TDRD6: variants seen among roughly 807,000 people sequenced by gnomAD.
TDRD6 encodes tudor domain-containing protein 6.
TDRD6 carries 186 observed loss-of-function variants against 157.5 expected under a neutral mutation model. That is an observed-to-expected ratio of 1.18 (90% CI 1.05 to 1.33). The LOEUF (loss-of-function observed/expected upper bound fraction) is 1.33. Among genes scored for constraint, TDRD6 ranks in the 40% most tolerant of loss-of-function variants. TDRD6 has a pLI of 0.00. For missense variants in TDRD6, 3,066 were observed against 2,508.0 expected, an observed-to-expected ratio of 1.22 and a Z score of -4.75; for synonymous variants, 1,075 against 945.2, an observed-to-expected ratio of 1.14 and a Z score of -2.52.
chr6:46,696,549 ATATG>A (rs1446464347), intron 2 of TDRD6, among the ~76,000 whole-genome samples: 906 of 64,918 alleles, frequency 0.014, 85 homozygotes, highest in African/African-American at 0.034. Flanking sequence ...ATATATGTAT[ATATG>A]TGTGTGTGTG....
At position 46,694,170 on chromosome 6, in the gene TDRD6, C is replaced by G. The variant is rs1369880096; in HGVS notation, c.6042C>G (p.Ile2014Met). The change falls in exon 1 of 4, where the codon ATC becomes ATG. Residue 2014 changes from isoleucine to methionine, a missense_variant. Coordinates refer to ENST00000316081, the MANE Select transcript of TDRD6 (RefSeq NM_001010870.3). ...SKHNNGLPDHISAQLQNTYTL... is the reference protein window; with the variant it reads ...SKHNNGLPDHMSAQLQNTYTL... Reference sequence around the variant, plus strand: ...ACAATAATGGTTTACCAGATCATATCTCAGGTATGTGAATTTTTTTTCCTT... The same window carrying G: ...ACAATAATGGTTTACCAGATCATATGTCAGGTATGTGAATTTTTTTTCCTT... 3.1e-5 allele frequency: 47 copies of G among 1,499,304 alleles called. No individual in the cohort carries two copies. Among genetic ancestry groups the G allele is most frequent in the Non-Finnish European group, 3.7e-5 (42 of 1,122,628 alleles). 92.9% of individuals were successfully genotyped at this position (1,499,304 alleles called of 1,614,324 possible).
At position 46,692,785 on chromosome 6, in the gene TDRD6, A is replaced by G; in HGVS notation, c.4657A>G (p.Thr1553Ala). 3 of 1,614,172 alleles carry G rather than the reference A, an allele frequency of 1.9e-6. No individual in the cohort carries two copies. Among genetic ancestry groups the G allele is most frequent in the South Asian group, 1.1e-5 (1 of 91,070 alleles). The change falls in exon 1 of 4, where the codon ACT becomes GCT. Residue 1553 changes from threonine to alanine, a missense_variant. By Grantham distance (58) the Thr-to-Ala change is moderately conservative. Coordinates refer to ENST00000316081, the MANE Select transcript of TDRD6 (RefSeq NM_001010870.3). ...TCAGTGTTTAGAAGTAGAAGTACAG[A>G]CTGCTGGAGAACAGGTAGCAGACAG... is the stretch of plus-strand genomic sequence containing the variant. Reference protein sequence around the residue: ...KLQCLEVEVQTAGEQVADRRN... With the variant: ...KLQCLEVEVQAAGEQVADRRN...
chr6:46,684,474 A>G (rs1390965019), upstream of TDRD6, among the ~76,000 whole-genome samples: 2 of 152,020 alleles, frequency 1.3e-5, no homozygotes, highest in Admixed American at 6.6e-5. Flanking sequence ...TCATCAGTCC[A>G]TGCCTGATGC....
chr6:46,691,851 C>T lies in TDRD6; in HGVS notation c.3723C>T (p.Asp1241=), dbSNP rs757951927. 6.9e-6 allele frequency: 11 copies of T among 1,596,220 alleles called. 1 individual carries two copies. The South Asian group carries it at 1.3e-4, about 18-fold the overall frequency. The change falls in exon 1 of 4, where the codon GAC becomes GAT. Residue 1241 remains aspartate, a synonymous_variant. Coordinates refer to ENST00000316081, the MANE Select transcript of TDRD6 (RefSeq NM_001010870.3). ...CAAACTTAGTCACTCAATATCAAGA[C>T]TCTGTGGGAAATAAAAATAGTCAAG... ...TKTNLVTQYQ[D]SVGNKNSQVF... is the part of the protein sequence containing the mutation.
In TDRD6 at chr6:46,694,082, G is replaced by A. The variant is rs757229803; in HGVS notation, c.5954G>A (p.Arg1985Lys). The A allele has an allele frequency of 6.2e-7, 1 of 1,612,816 alleles. No homozygotes were observed. The highest frequency in any genetic ancestry group is 8.5e-7 in the Non-Finnish European group (1 of 1,179,528). ...GAAGAATTTGTAGAGTATAAAAACA[G>A]GGATGCCATTTCGGCATTGATGCCT... is the stretch of plus-strand genomic sequence containing the variant. ...CEEEFVEYKN[R>K]DAISALMPLF... Residue 1985 changes from arginine (R) to lysine (K), a missense_variant, in exon 1 of 4, where the codon AGG becomes AAG. Transcript: ENST00000316081.
chr6:46,685,744 T>C (rs764657035), upstream of TDRD6, among the ~76,000 whole-genome samples: 5 of 148,704 alleles, frequency 3.4e-5, no homozygotes, highest in Admixed American at 6.8e-5. Context: ...CTGTACATAA[T>C]GTCCCAGAAC....
At position 46,693,971 on chromosome 6, in the gene TDRD6, CTT is replaced by C. The variant is rs779961099; in HGVS notation, c.5846_5847del (p.Phe1949Ter). Reference sequence around the variant, plus strand: ...ATGAGAAAGTCAAGTTGTGTAGAATCTTTTGATGACCAGCGCAGGATGTCATT... The same window carrying C: ...ATGAGAAAGTCAAGTTGTGTAGAATCTTGATGACCAGCGCAGGATGTCATT... On this transcript the variant is annotated frameshift_variant, in exon 1 of 4. Coordinates refer to ENST00000316081, the MANE Select transcript of TDRD6 (RefSeq NM_001010870.3). LOFTEE classifies it high-confidence loss of function. The C allele has an allele frequency of 1.9e-6, 3 of 1,613,516 alleles. No individual in the cohort carries two copies. Among genetic ancestry groups the C allele is most frequent in the South Asian group, 1.1e-5 (1 of 91,000 alleles).
intron 3 of TDRD6, among the ~76,000 whole-genome samples, chr6:46,698,331 A>G (rs1398680164): frequency 1.3e-5 from 2 of 152,230 alleles, no homozygotes; most frequent in Non-Finnish European, 2.9e-5. Context: ...TGACTCTAAT[A>G]AAATACATAT....
At position 46,688,110 on chromosome 6, in the gene TDRD6, G is replaced by T; in HGVS notation, c.-19G>T. On this transcript the variant is annotated 5_prime_UTR_variant, in exon 1 of 4. Transcript: ENST00000316081. ...CGGCCCTTAATTTCCGGAAGTGGGG[G>T]CCGCGCCGCGCCGTCAAGATGTGCT... 1 of 1,474,112 alleles carries T rather than the reference G, an allele frequency of 6.8e-7. No homozygotes were observed. The highest frequency in any genetic ancestry group is 2.6e-5 in the Admixed American group (1 of 38,644). The allele number at this position is 1,474,112 out of a possible 1,614,324, so 91.3% of individuals were successfully genotyped here.
At position 46,692,523 on chromosome 6, in the gene TDRD6, A is replaced by G; in HGVS notation, c.4395A>G (p.Glu1465=). 6.2e-7 allele frequency: 1 copy of G among 1,613,832 alleles called. No individual in the cohort carries two copies. Among genetic ancestry groups the G allele is most frequent in the Non-Finnish European group, 8.5e-7 (1 of 1,180,030 alleles). The change falls in exon 1 of 4, where the codon GAA becomes GAG. Residue 1465 remains glutamate (E), a synonymous_variant. Transcript: ENST00000316081. ...QDRWEVILAD[E]HGIIADDMIS... is the part of the protein sequence containing the mutation. The stretch of plus-strand genomic sequence containing the variant: ...GATGGGAAGTTATTCTTGCTGATGA[A>G]CATGGGATCATAGCAGATGATATGA...
In TDRD6 at chr6:46,690,276, C is replaced by A. The variant is rs1315980032; in HGVS notation, c.2148C>A (p.Thr716=). ...GEQKAKRENK[T]TSVSKALSDT... The stretch of plus-strand genomic sequence containing the variant: ...AGAAAGCCAAGAGAGAGAATAAAAC[C>A]ACATCTGTTTCAAAAGCTTTGAGTG... The change falls in exon 1 of 4, where the codon ACC becomes ACA. Residue 716 remains threonine (T), a synonymous_variant. Transcript: ENST00000316081. 2 of 1,613,592 alleles carry A rather than the reference C, an allele frequency of 1.2e-6. No homozygotes were observed. Among genetic ancestry groups the A allele is most frequent in the Non-Finnish European group, 1.7e-6 (2 of 1,179,994 alleles).
Position 46,689,700 on chromosome 6 carries a change from T to G in TDRD6, c.1572T>G (p.Tyr524Ter), listed in dbSNP as rs752342053. 20 of 1,614,236 alleles carry G rather than the reference T, an allele frequency of 1.2e-5. No individual in the cohort carries two copies. The highest frequency in any genetic ancestry group is 1.7e-5 in the Non-Finnish European group (20 of 1,180,040). ...SKLMRRMCGF[Y>*]SSASKLDGVV... ...TGATGAGGAGAATGTGTGGTTTCTATTCCTCTGCCAGTAAGCTGGATGGTG... is the reference window on the plus strand; with the variant it reads ...TGATGAGGAGAATGTGTGGTTTCTAGTCCTCTGCCAGTAAGCTGGATGGTG... Residue 524 changes from tyrosine to a stop codon, truncating the protein, a stop_gained, in exon 1 of 4, where the codon TAT (tyrosine) becomes TAG (stop). Coordinates refer to ENST00000316081, the MANE Select transcript of TDRD6 (RefSeq NM_001010870.3). LOFTEE classifies it high-confidence loss of function.
In TDRD6 at chr6:46,687,947, G is replaced by A; in HGVS notation, c.-182G>A. The A allele has an allele frequency of 1.0e-6, 1 of 954,014 alleles. No homozygotes were observed. 59.1% of individuals were successfully genotyped at this position (954,014 alleles called of 1,614,324 possible). ...ACCGGGTCTTACCAGTCCGTGGCGG[G>A]AGTCCCGGAGGACCCTCGACGGGGG... On this transcript the variant is annotated 5_prime_UTR_variant, in exon 1 of 4. Coordinates refer to ENST00000316081, the MANE Select transcript of TDRD6 (RefSeq NM_001010870.3).
rs779296354 is a variant in TDRD6 at position 46,691,509 on chromosome 6, A to G, written c.3381A>G (p.Leu1127=). 1 of 1,614,082 alleles carries G rather than the reference A, an allele frequency of 6.2e-7. No homozygotes were observed. The highest frequency in any genetic ancestry group is 1.7e-5 in the Admixed American group (1 of 60,034). ...TTTTAGATAAGTCATTGAAGGCTTTAGTTGTAGCAAAAGATCCAGATGGAA... is the reference window on the plus strand; with the variant it reads ...TTTTAGATAAGTCATTGAAGGCTTTGGTTGTAGCAAAAGATCCAGATGGAA... ...ETILDKSLKA[L]VVAKDPDGTL... Residue 1127 remains leucine, a synonymous_variant, in exon 1 of 4, where the codon TTA becomes TTG. Transcript: ENST00000316081.
upstream of TDRD6, among the ~76,000 whole-genome samples, chr6:46,683,243 A>G (rs1043211614): frequency 6.6e-6 from 1 of 152,060 alleles, no homozygotes; most frequent in Non-Finnish European, 1.5e-5. Context: ...AAATGGCAGT[A>G]TAACAATTGG....
chr6:46,701,719 C>A, intron 3 of TDRD6, 139 bp from the exon 4 acceptor site: 3 of 671,986 alleles, frequency 4.5e-6, no homozygotes, highest in South Asian at 4.7e-5. Context: ...AGAAATAATG[C>A]CCTATAGTAA....
intron 2 of TDRD6, among the ~76,000 whole-genome samples, chr6:46,696,226 A>G (rs1764492351): frequency 6.6e-6 from 1 of 151,896 alleles, no homozygotes; most frequent in South Asian, 2.1e-4. Context: ...GGAATTTTTT[A>G]TATCTAATGC....
rs191854779 is a variant in TDRD6, at chr6:46,692,342, A to T, written c.4214A>T (p.Asp1405Val). The T allele has an allele frequency of 2.0e-5, 33 of 1,614,122 alleles. No individual in the cohort carries two copies. In the East Asian group the frequency reaches 6.5e-4, roughly 32 times the overall value. Reference sequence around the variant, plus strand: ...CATACTAACAAAATAGGTAGGCTTGACCTTGTTAATGCAATATTGCCGGGG... The same window carrying T: ...CATACTAACAAAATAGGTAGGCTTGTCCTTGTTAATGCAATATTGCCGGGG... ...VVHTNKIGRL[D>V]LVNAILPGLC... The change falls in exon 1 of 4, where the codon GAC (aspartate) becomes GTC (valine). Residue 1405 changes from aspartate (D) to valine (V), a missense_variant. By Grantham distance (152) the Asp-to-Val change is radical (BLOSUM62 -3). Coordinates refer to ENST00000316081, the MANE Select transcript of TDRD6 (RefSeq NM_001010870.3).
rs891786569 is a variant in TDRD6 at position 46,688,661 on chromosome 6, G to C, written c.533G>C (p.Arg178Pro). 1 of 1,599,700 alleles carries C rather than the reference G, an allele frequency of 6.3e-7. No individual in the cohort carries two copies. The highest frequency in any genetic ancestry group is 1.3e-5 in the African/African-American group (1 of 75,038). ...GTCCTGGACGTGCTGCTGCTCCATC[G>C]CCTGGTCCTCCTGGAGGTGCCTGAT... is the stretch of plus-strand genomic sequence containing the variant. ...GCVLDVLLLH[R>P]LVLLEVPDVF... The change falls in exon 1 of 4, where the codon CGC becomes CCC. Residue 178 changes from arginine to proline, a missense_variant. By Grantham distance (103) the Arg-to-Pro change is moderately radical (BLOSUM62 -2). Transcript: ENST00000316081.
Sources: gnomAD v4.1 joint callset for allele counts (sites outside exome capture counted in the v4.1 genomes callset) on GRCh38, gnomAD v4.1.1 for gene constraint, MANE v1.5 for transcripts, NCBI Gene and HGNC (gene_info 2026-07-23, HGNC 2026-07-21) for gene names.